The following IPMK variants were observed in gnomAD, a reference collection of about 807,000 sequenced individuals.
IPMK encodes inositol polyphosphate multikinase.
IPMK carries 17 observed loss-of-function variants against 45.8 expected under a neutral mutation model. That is an observed-to-expected ratio of 0.37 (90% CI 0.25 to 0.56). The LOEUF is 0.56. Among genes scored for constraint, IPMK ranks in the 20% least tolerant of loss-of-function variants. The probability of loss-of-function intolerance (pLI) is 0.79; values close to 1 mark genes in which losing one functional copy is unlikely to be tolerated. For missense variants in IPMK, 399 were observed against 498.0 expected (o/e 0.80, Z 1.89); for synonymous variants, 180 against 184.3 (o/e 0.98, Z 0.19).
intron 1 of IPMK, 59 bp downstream of exon 1, chr10:58,267,363 T>G (rs1241227310): frequency 1.3e-6 from 2 of 1,572,522 alleles, no homozygotes; most frequent in Admixed American, 3.4e-5. Flanking sequence ...CTGCCTCCGC[T>G]GACAGGGGGC....
chr10:58,229,824 C>T (rs191342645), intron 2 of IPMK, among the ~76,000 whole-genome samples: 1 of 152,220 alleles, frequency 6.6e-6, no homozygotes, highest in East Asian at 1.9e-4. Flanking sequence ...ACTGAGGTAC[C>T]TGGTTCACAT....
chr10:58,196,720 C>G lies in IPMK; in HGVS notation c.629-22G>C, dbSNP rs202113550. 9.0e-3 allele frequency: 13,045 copies of G among 1,448,832 alleles called. 78 individuals carry two copies. The highest frequency in any genetic ancestry group is 0.011 in the Non-Finnish European group (11,269 of 1,067,466). 89.7% of individuals were successfully genotyped at this position (1,448,832 alleles called of 1,614,324 possible). ...ACTCCTATAAAAAGAAAAATATGAGCGTTATAATCAAATTATGAAATAACT... is the reference window on the plus strand; with the variant it reads ...ACTCCTATAAAAAGAAAAATATGAGGGTTATAATCAAATTATGAAATAACT... On this transcript the variant is annotated intron_variant, in intron 5 of 5. Coordinates refer to ENST00000373935, the MANE Select transcript of IPMK (RefSeq NM_152230.5).
At chr10:58,244,327 G>A (rs1838757310) in intron 1 of IPMK, among the ~76,000 whole-genome samples, 1 of 145,494 alleles carries the variant, frequency 6.9e-6, no homozygotes, top group African/African-American at 2.6e-5. Flanking sequence ...CCCCGTCTGG[G>A]AAGTGAGGAG....
At chr10:58,216,376 T>A in intron 3 of IPMK, 59 bp from the exon 4 acceptor site, 1 of 737,302 alleles carries the variant, frequency 1.4e-6, no homozygotes, top group Non-Finnish European at 2.0e-6. Context: ...CTCAAGTACT[T>A]GCCAGGGAAA....
intron 1 of IPMK, among the ~76,000 whole-genome samples, chr10:58,264,111 A>G (rs146557765): frequency 2.3e-3 from 344 of 152,342 alleles, no homozygotes; most frequent in African/African-American, 7.9e-3. Flanking sequence ...AATTTCCCAT[A>G]GTTGATCAAT....
intron 4 of IPMK, among the ~76,000 whole-genome samples, chr10:58,213,399 T>C (rs1454115945): frequency 6.6e-6 from 1 of 152,100 alleles, no homozygotes; most frequent in East Asian, 1.9e-4. Flanking sequence ...AAAGAATAAA[T>C]AGAGGCTGGG....
chr10:58,234,508 C>A (rs190638707), intron 2 of IPMK, among the ~76,000 whole-genome samples: 1 of 152,138 alleles, frequency 6.6e-6, no homozygotes, highest in Non-Finnish European at 1.5e-5. Flanking sequence ...AGAAAGAACA[C>A]CACACATCCA....
chr10:58,205,163 G>A (rs1223234576), intron 4 of IPMK, among the ~76,000 whole-genome samples: 1 of 151,996 alleles, frequency 6.6e-6, no homozygotes, highest in African/African-American at 2.4e-5. Flanking sequence ...GATGAGTTTG[G>A]GTTAGGCAAT....
chr10:58,192,974 A>G lies in IPMK; in HGVS notation c.*3102T>C, dbSNP rs2132138160. ...AACAAGTTTTAAAGTATAAAATGCC[A>G]AACTACTAAGAGAAAATGTACTAAA... On this transcript the variant is annotated 3_prime_UTR_variant, in exon 6 of 6. Transcript: ENST00000373935. 1 of 152,136 alleles carries G rather than the reference A, an allele frequency of 6.6e-6. No individual in the cohort carries two copies. 9.4% of individuals were successfully genotyped at this position (152,136 alleles called of 1,614,324 possible). A position where few individuals can be genotyped will look rare whatever the true frequency, so the allele number is the denominator to read the frequency against.
intron 1 of IPMK, among the ~76,000 whole-genome samples, chr10:58,252,704 C>A (rs1838902810): frequency 6.6e-6 from 1 of 150,522 alleles, no homozygotes; most frequent in African/African-American, 2.4e-5. Flanking sequence ...CCTCCACCTT[C>A]CGGGTTCAAG....
chr10:58,229,124 G>A (rs1245106035), intron 2 of IPMK, among the ~76,000 whole-genome samples: 1 of 152,044 alleles, frequency 6.6e-6, no homozygotes, highest in African/African-American at 2.4e-5. Context: ...CAAGAATGCT[G>A]GCAGCTAAGC....
At chr10:58,225,789 A>G (rs1193410571) in intron 3 of IPMK, among the ~76,000 whole-genome samples, 2 of 152,080 alleles carry the variant, frequency 1.3e-5, no homozygotes, top group Non-Finnish European at 2.9e-5. Flanking sequence ...CCTTTCCTTT[A>G]TCTCATTTAT....
chr10:58,255,724 AC>A (rs1439793095), intron 1 of IPMK, among the ~76,000 whole-genome samples: 1 of 151,864 alleles, frequency 6.6e-6, no homozygotes, highest in Non-Finnish European at 1.5e-5. Flanking sequence ...GGTGGCTCAC[AC>A]CTATAATCCC....
chr10:58,262,856 T>A (rs1389919215), intron 1 of IPMK, among the ~76,000 whole-genome samples: 1 of 152,150 alleles, frequency 6.6e-6, no homozygotes, highest in Non-Finnish European at 1.5e-5. Flanking sequence ...AATAAGGACA[T>A]AAATACTTAA....
chr10:58,265,135 C>T (rs893060487), intron 1 of IPMK, among the ~76,000 whole-genome samples: 1 of 152,154 alleles, frequency 6.6e-6, no homozygotes, highest in African/African-American at 2.4e-5. Flanking sequence ...GATGTCTGAA[C>T]TACTAATATA....
chr10:58,246,937 T>C (rs1165882570), intron 1 of IPMK, among the ~76,000 whole-genome samples: 1,988 of 150,204 alleles, frequency 0.013, 46 homozygotes, highest in African/African-American at 0.047. Flanking sequence ...GAATCCACAA[T>C]GAACTCAAAC....
chr10:58,242,019 TCA>T (rs1253785581), intron 1 of IPMK, among the ~76,000 whole-genome samples: 2 of 151,814 alleles, frequency 1.3e-5, no homozygotes, highest in Non-Finnish European at 2.9e-5. Context: ...ACTGTTGGCT[TCA>T]GTTTGCTACA....
At chr10:58,245,611 CAA>C (rs35191082) in intron 1 of IPMK, among the ~76,000 whole-genome samples, 4 of 124,700 alleles carry the variant, frequency 3.2e-5, no homozygotes. Flanking sequence ...GACTCTGTCT[CAA>C]AAAAAAAAAA....
intron 4 of IPMK, among the ~76,000 whole-genome samples, chr10:58,206,103 A>C (rs1316114108): frequency 6.6e-6 from 1 of 152,248 alleles, no homozygotes; most frequent in Admixed American, 6.5e-5. Flanking sequence ...CATATAATCG[A>C]ATATTATTTG....
Sources: gnomAD v4.1 joint callset for allele counts (sites outside exome capture counted in the v4.1 genomes callset) on GRCh38, gnomAD v4.1.1 for gene constraint, MANE v1.5 for transcripts, NCBI Gene and HGNC (gene_info 2026-07-23, HGNC 2026-07-21) for gene names.